The following KCNIP1 variants were observed in gnomAD, a reference collection of about 807,000 sequenced individuals.
KCNIP1 encodes potassium voltage-gated channel interacting protein 1.
KCNIP1 carries 18 observed loss-of-function variants against 33.0 expected under a neutral mutation model. The ratio of observed to expected loss-of-function variants is 0.55; its 90% CI spans 0.38 to 0.81. The LOEUF is 0.81. Among genes scored for constraint, KCNIP1 ranks in the 30% least tolerant of loss-of-function variants. The pLI, the probability that KCNIP1 is intolerant of heterozygous loss-of-function variation, is 0.00. For missense variants in KCNIP1, 238 were observed against 271.6 expected (o/e 0.88, Z 0.87); for synonymous variants, 93 against 98.3 (o/e 0.95, Z 0.32).
chr5:170,731,409 C>T (rs1764188336), intron 5 of KCNIP1, among the ~76,000 whole-genome samples: 1 of 152,012 alleles, frequency 6.6e-6, no homozygotes, highest in Non-Finnish European at 1.5e-5. Flanking sequence ...GACAAGGAAA[C>T]AAAGAAACTC....
intron 1 of KCNIP1, among the ~76,000 whole-genome samples, chr5:170,627,499 G>C (rs1472580352): frequency 6.6e-6 from 1 of 152,180 alleles, no homozygotes; most frequent in Non-Finnish European, 1.5e-5. Context: ...TGCTGGCATG[G>C]AGCTAAGGAC....
At chr5:170,429,564 A>C (rs12516919) in intron 1 of KCNIP1, among the ~76,000 whole-genome samples, 36,131 of 151,946 alleles carry the variant, frequency 0.24, 4,941 homozygotes, top group Non-Finnish European at 0.31. Context: ...ATCCGTCCCC[A>C]CAATGACGTA....
At chr5:170,416,595 A>AAATG (rs1168684539) in intron 1 of KCNIP1, among the ~76,000 whole-genome samples, 2 of 151,502 alleles carry the variant, frequency 1.3e-5, no homozygotes, top group Admixed American at 6.6e-5. Context: ...TCTGCATTTA[A>AAATG]AATGGAGAAG....
chr5:170,388,030 G>A (rs543745804), intron 1 of KCNIP1, among the ~76,000 whole-genome samples: 4 of 150,430 alleles, frequency 2.7e-5, no homozygotes, highest in South Asian at 2.1e-4. Context: ...CCCCCCCAGC[G>A]CCCAGGGCCA....
chr5:170,622,128 C>G (rs1039868881), intron 1 of KCNIP1, among the ~76,000 whole-genome samples: 6 of 152,202 alleles, frequency 3.9e-5, no homozygotes, highest in African/African-American at 1.4e-4. Flanking sequence ...GTCCCTGGAG[C>G]AAAATGTGTT....
At chr5:170,382,617 C>T (rs79484313) in intron 1 of KCNIP1, 6,398 of 152,176 alleles carry the variant, frequency 0.042, 181 homozygotes, top group Middle Eastern at 0.081. Context: ...TTGCATCCTG[C>T]GCCTGCCTGA....
chr5:170,577,464 T>C (rs1757641650), intron 1 of KCNIP1, among the ~76,000 whole-genome samples: 1 of 152,240 alleles, frequency 6.6e-6, no homozygotes, highest in Admixed American at 6.5e-5. Context: ...AATCCATTTA[T>C]GCGTCTGTTG....
chr5:170,718,760 A>G lies in KCNIP1; in HGVS notation c.64A>G (p.Lys22Glu), dbSNP rs1429571044. 1.2e-6 allele frequency: 2 copies of G among 1,613,536 alleles called. No homozygotes were observed. The highest frequency in any genetic ancestry group is 1.7e-6 in the Non-Finnish European group (2 of 1,179,828). The change falls in exon 2 of 8, where the codon AAG (lysine) becomes GAG (glutamate). Residue 22 changes from lysine (K) to glutamate (E), a missense_variant and splice_region_variant. Coordinates refer to ENST00000328939, the MANE Select transcript of KCNIP1 (RefSeq NM_014592.4). ...QTKQRRPSKDKIEDELEMTMV... is the reference protein window; with the variant it reads ...QTKQRRPSKDEIEDELEMTMV... ...AATGCCATCTCCTCTGGTTCCAGAT[A>G]AGATTGAAGATGAGCTGGAGATGAC... is the stretch of plus-strand genomic sequence containing the variant.
chr5:170,520,311 C>G (rs1344969021), intron 1 of KCNIP1, among the ~76,000 whole-genome samples: 1 of 152,198 alleles, frequency 6.6e-6, no homozygotes, highest in Non-Finnish European at 1.5e-5. Context: ...AGTGCAGGGA[C>G]AGCATCAGAA....
chr5:170,442,948 G>A (rs13182939), intron 1 of KCNIP1, among the ~76,000 whole-genome samples: 100,927 of 152,054 alleles, frequency 0.66, 34,247 homozygotes, highest in South Asian at 0.79. Flanking sequence ...ATCAGCCCCA[G>A]GCCTATTTGG....
chr5:170,529,221 C>T (rs539366316), intron 1 of KCNIP1, among the ~76,000 whole-genome samples: 1 of 152,328 alleles, frequency 6.6e-6, no homozygotes, highest in Non-Finnish European at 1.5e-5. Context: ...GTCTTGGCTT[C>T]ATTCTCAGGA....
At chr5:170,726,980 A>G (rs1561786564) in intron 5 of KCNIP1, among the ~76,000 whole-genome samples, 1 of 152,156 alleles carries the variant, frequency 6.6e-6, no homozygotes, top group Non-Finnish European at 1.5e-5. Flanking sequence ...AAAAATATGT[A>G]ATTCCATAAA....
In KCNIP1 at chr5:170,530,556, G is replaced by A. The variant is rs1755751721; in HGVS notation, c.61+25923G>A. Reference sequence around the variant, plus strand: ...ACCTGCCCACAAGGTCAGCCCCTTGGCAATCTTGCCAACCTTGGGGCTCAA... The same window carrying A: ...ACCTGCCCACAAGGTCAGCCCCTTGACAATCTTGCCAACCTTGGGGCTCAA... On this transcript the variant is annotated intron_variant, in intron 1 of 7. Transcript: ENST00000328939. 3.9e-5 allele frequency among the ~76,000 whole-genome samples: 6 copies of A among 152,194 alleles called. No homozygotes were observed. The South Asian group carries it at 1.2e-3, about 32-fold the overall frequency.
intron 1 of KCNIP1, among the ~76,000 whole-genome samples, chr5:170,688,272 A>G (rs560679628): frequency 1.3e-5 from 2 of 152,298 alleles, no homozygotes; most frequent in African/African-American, 4.8e-5. Context: ...AAGTACCTAA[A>G]TAGAGATTGG....
At chr5:170,585,607 A>C (rs1581361143) in intron 1 of KCNIP1, among the ~76,000 whole-genome samples, 4 of 150,286 alleles carry the variant, frequency 2.7e-5, no homozygotes, top group Admixed American at 6.6e-5. Flanking sequence ...CCCACCTCTC[A>C]CCCCCCGCCC....
At chr5:170,647,436 A>G (rs976607573) in intron 1 of KCNIP1, among the ~76,000 whole-genome samples, 1 of 152,166 alleles carries the variant, frequency 6.6e-6, no homozygotes, top group South Asian at 2.1e-4. Context: ...AAGTAGATCA[A>G]TGGAACAGAA....
intron 1 of KCNIP1, among the ~76,000 whole-genome samples, chr5:170,468,954 C>T (rs1756665961): frequency 6.6e-6 from 1 of 152,064 alleles, no homozygotes; most frequent in Non-Finnish European, 1.5e-5. Flanking sequence ...GCCCTTTGCC[C>T]CATTTCCCAG....
At chr5:170,483,135 G>C (rs763774822) in intron 1 of KCNIP1, 1 of 444,036 alleles carries the variant, frequency 2.3e-6, no homozygotes, top group South Asian at 1.6e-5. Context: ...GCAGGCTGTG[G>C]AGACAGGTAT....
intron 1 of KCNIP1, among the ~76,000 whole-genome samples, chr5:170,715,422 C>T (rs947442385): frequency 8.5e-5 from 13 of 152,134 alleles, no homozygotes; most frequent in African/African-American, 1.4e-4. Flanking sequence ...CCCCTCATTC[C>T]ACACTCAGAA....
Sources: allele counts gnomAD v4.1 joint callset (sites outside exome capture counted in the v4.1 genomes callset), GRCh38; gene constraint gnomAD v4.1.1; transcripts MANE v1.5; gene names NCBI Gene and HGNC (gene_info 2026-07-23, HGNC 2026-07-21).